IFT88: variants seen among roughly 807,000 people sequenced by gnomAD.
IFT88 encodes intraflagellar transport protein 88 homolog.
In IFT88, 74 loss-of-function variants were observed where a neutral mutation model predicts 119.5. The observed-to-expected ratio is 0.62, with a 90% CI of 0.51 to 0.75. The LOEUF (loss-of-function observed/expected upper bound fraction) is 0.75, where lower values mean the gene tolerates loss of function less well. Among genes scored for constraint, IFT88 ranks in the 30% least tolerant of loss-of-function variants. The pLI is 0.00. For synonymous variants in IFT88, 279 were observed against 316.7 expected (o/e 0.88, Z 1.26); for missense variants, 961 against 977.7 (o/e 0.98, Z 0.23).
intron 22 of IFT88, among the ~76,000 whole-genome samples, chr13:20,662,896 A>T (rs1167208397): frequency 1.3e-5 from 2 of 152,250 alleles, no homozygotes; most frequent in Admixed American, 1.3e-4. Flanking sequence ...TCATCTGGTG[A>T]TATGTATAAA....
chr13:20,664,645 G>A (rs1442293766), intron 23 of IFT88, among the ~76,000 whole-genome samples: 3 of 152,132 alleles, frequency 2.0e-5, no homozygotes, highest in African/African-American at 7.2e-5. Context: ...AAGCAAGAGT[G>A]TATGTTTGGA....
At chr13:20,624,905 C>T (rs2047073115) in intron 14 of IFT88, among the ~76,000 whole-genome samples, 1 of 152,148 alleles carries the variant, frequency 6.6e-6, no homozygotes, top group Admixed American at 6.5e-5. Context: ...GTAGTGAAAA[C>T]ACTTAAAATC....
chr13:20,689,526 C>G (rs73165480), intron 24 of IFT88, among the ~76,000 whole-genome samples: 37 of 152,114 alleles, frequency 2.4e-4, no homozygotes, highest in Admixed American at 2.0e-3. Flanking sequence ...ATCTTATGTA[C>G]CCATGAGTCA....
At chr13:20,597,341 T>TC (rs1461338230) in intron 9 of IFT88, among the ~76,000 whole-genome samples, 1 of 152,136 alleles carries the variant, frequency 6.6e-6, no homozygotes, top group Non-Finnish European at 1.5e-5. Context: ...GTGCAGTGAC[T>TC]CACGCCTGTA....
At chr13:20,638,940 C>T (rs1373571737) in intron 17 of IFT88, among the ~76,000 whole-genome samples, 1 of 152,160 alleles carries the variant, frequency 6.6e-6, no homozygotes, top group Non-Finnish European at 1.5e-5. Context: ...ACCTATCACC[C>T]CAGTTTGACA....
At chr13:20,634,722 C>T (rs2048736871) in intron 16 of IFT88, among the ~76,000 whole-genome samples, 2 of 145,134 alleles carry the variant, frequency 1.4e-5, no homozygotes, top group Non-Finnish European at 3.0e-5. Flanking sequence ...AACGAGACTC[C>T]ATCTCAAACA....
At chr13:20,567,428 T>G (rs572372322) in intron 1 of IFT88, among the ~76,000 whole-genome samples, 172 bp downstream of exon 1, 36 of 152,328 alleles carry the variant, frequency 2.4e-4, no homozygotes, top group African/African-American at 7.9e-4. Context: ...TGCCCCTGCT[T>G]TTCTTCCTCA....
intron 15 of IFT88, among the ~76,000 whole-genome samples, chr13:20,626,851 A>C (rs2047416535): frequency 6.6e-6 from 1 of 152,230 alleles, no homozygotes; most frequent in African/African-American, 2.4e-5. Context: ...ATTATATGTC[A>C]GCAACTAGAA....
intron 12 of IFT88, among the ~76,000 whole-genome samples, chr13:20,604,258 C>G (rs996627142): frequency 6.6e-5 from 10 of 151,266 alleles, no homozygotes; most frequent in Non-Finnish European, 5.9e-5. Context: ...ACTAACCAAA[C>G]AAAAAAAATG....
intron 13 of IFT88, among the ~76,000 whole-genome samples, chr13:20,614,866 A>T (rs544684076): frequency 1.0e-3 from 146 of 140,326 alleles, no homozygotes; most frequent in African/African-American, 3.6e-3. Flanking sequence ...CCCAGGCTGG[A>T]GTGCAGTGGC....
chr13:20,595,943 A>ATCTC (rs2041566255), intron 7 of IFT88, among the ~76,000 whole-genome samples: 1 of 152,026 alleles, frequency 6.6e-6, no homozygotes, highest in South Asian at 2.1e-4. Flanking sequence ...GCTACTTGAG[A>ATCTC]GGCTGAGGTG....
At position 20,643,613 on chromosome 13, in the gene IFT88, T is replaced by G. The variant is rs762230622; in HGVS notation, c.1833+8T>G. On this transcript the variant is annotated splice_region_variant and intron_variant, in intron 19 of 25. Coordinates refer to ENST00000351808, the MANE Select transcript of IFT88 (RefSeq NM_006531.5). ...TTTCAATATTACTATGAGGTAGGTG[T>G]GTTATCTTAATTTCCTTCTGTGTTT... is the stretch of plus-strand genomic sequence containing the variant. The G allele has an allele frequency of 3.2e-6, 5 of 1,571,584 alleles. No individual in the cohort carries two copies. The highest frequency in any genetic ancestry group is 4.3e-6 in the Non-Finnish European group (5 of 1,156,382).
rs541227379 is a variant in IFT88 at position 20,636,765 on chromosome 13, T to A, written c.1387-1567T>A. Among the ~76,000 whole-genome samples the A allele has an allele frequency of 7.9e-5, 12 of 152,396 alleles. No homozygotes were observed. In the East Asian group the frequency reaches 2.3e-3, roughly 29 times the overall value. On this transcript the variant is annotated intron_variant, in intron 16 of 25. Coordinates refer to ENST00000351808, the MANE Select transcript of IFT88 (RefSeq NM_006531.5). Reference sequence around the variant, plus strand: ...AGTCCAAAAGACAATGTTACATGTTTTAGTTTTTAAGCAGCAGCACCTCAC... The same window carrying A: ...AGTCCAAAAGACAATGTTACATGTTATAGTTTTTAAGCAGCAGCACCTCAC...
intron 7 of IFT88, among the ~76,000 whole-genome samples, chr13:20,594,815 A>G (rs925737991): frequency 6.6e-5 from 10 of 152,312 alleles, no homozygotes; most frequent in Admixed American, 1.3e-4. Context: ...TCTTAGTCCC[A>G]GGTTTCCTCA....
rs912430699 is a variant in IFT88 at position 20,605,383 on chromosome 13, C to A, written c.1112+278C>A. ...TCTCAATTACTCAATCTCAGTTATT[C>A]TGTCAGTTGTTTCCCTCTGCATTTG... On this transcript the variant is annotated intron_variant, in intron 13 of 25. Coordinates refer to ENST00000351808, the MANE Select transcript of IFT88 (RefSeq NM_006531.5). 2.0e-5 allele frequency among the ~76,000 whole-genome samples: 3 copies of A among 152,140 alleles called. No homozygotes were observed. In the East Asian group the frequency reaches 5.8e-4, roughly 29 times the overall value.
At chr13:20,592,748 G>A (rs7322752) in intron 7 of IFT88, among the ~76,000 whole-genome samples, 33,715 of 149,642 alleles carry the variant, frequency 0.23, 4,424 homozygotes, top group African/African-American at 0.36. Context: ...GGCATTACAG[G>A]CGTGAGCCAC....
intron 14 of IFT88, among the ~76,000 whole-genome samples, chr13:20,618,790 A>G (rs1480700547): frequency 1.3e-5 from 2 of 152,128 alleles, no homozygotes; most frequent in Non-Finnish European, 2.9e-5. Flanking sequence ...AATTTTTACT[A>G]TGAATTCTTC....
chr13:20,615,706 T>C, intron 13 of IFT88, 87 bp from the exon 14 acceptor site: 1 of 651,788 alleles, frequency 1.5e-6, no homozygotes, highest in Non-Finnish European at 2.6e-6. Flanking sequence ...TTAGTTTTGA[T>C]AGATAATGTT....
chr13:20,658,459 G>C (rs2053246087), intron 22 of IFT88, among the ~76,000 whole-genome samples: 2 of 152,122 alleles, frequency 1.3e-5, no homozygotes. Flanking sequence ...GCAGGCGTCT[G>C]TTTTTTCCTA....
Sources: gnomAD v4.1 joint callset for allele counts (sites outside exome capture counted in the v4.1 genomes callset) on GRCh38, gnomAD v4.1.1 for gene constraint, MANE v1.5 for transcripts, NCBI Gene and HGNC (gene_info 2026-07-23, HGNC 2026-07-21) for gene names.